EPHA5: variants seen among roughly 807,000 people sequenced by gnomAD.
EPHA5 encodes the protein EPH receptor A5.
In EPHA5, 60 loss-of-function variants were observed where a neutral mutation model predicts 105.0. That is an observed-to-expected ratio of 0.57 (90% CI 0.46 to 0.71). The LOEUF (loss-of-function observed/expected upper bound fraction) is 0.71, where lower values mean the gene tolerates loss of function less well. Among genes scored for constraint, EPHA5 ranks in the 30% least tolerant of loss-of-function variants. EPHA5 has a pLI of 0.00. For missense variants in EPHA5, 1,218 were observed against 1,274.7 expected (o/e 0.96, Z 0.68); for synonymous variants, 513 against 449.1 (o/e 1.14, Z -1.80).
At chr4:65,369,385 C>A (rs1577937715) in intron 8 of EPHA5, among the ~76,000 whole-genome samples, 2 of 152,002 alleles carry the variant, frequency 1.3e-5, no homozygotes, top group African/African-American at 4.8e-5. Flanking sequence ...ATTCAGTTTA[C>A]TAAAAACAAA....
intron 3 of EPHA5, among the ~76,000 whole-genome samples, chr4:65,575,325 T>C (rs192066038): frequency 5.1e-4 from 77 of 152,294 alleles, no homozygotes; most frequent in South Asian, 1.9e-3. Context: ...CCTTCTTCAC[T>C]TGATGTCCAA....
At chr4:65,329,808 AC>A (rs1297384721) in intron 16 of EPHA5, among the ~76,000 whole-genome samples, 14 of 112,380 alleles carry the variant, frequency 1.2e-4, no homozygotes, top group South Asian at 1.1e-3. Context: ...GCAATGACTG[AC>A]TTTTTTTTTT....
intron 5 of EPHA5, among the ~76,000 whole-genome samples, chr4:65,486,122 C>G (rs1560594284): frequency 6.6e-6 from 1 of 152,102 alleles, no homozygotes; most frequent in Non-Finnish European, 1.5e-5. Flanking sequence ...ACCTGGGAGA[C>G]TTTATTTTTA....
At chr4:65,341,321 G>A (rs1260939812) in intron 14 of EPHA5, among the ~76,000 whole-genome samples, 1 of 151,978 alleles carries the variant, frequency 6.6e-6, no homozygotes, top group African/African-American at 2.4e-5. Context: ...AGTGGGGGTG[G>A]CAGGATTCAC....
chr4:65,626,489 T>C (rs1290136914), intron 2 of EPHA5, among the ~76,000 whole-genome samples: 4 of 152,226 alleles, frequency 2.6e-5, no homozygotes, highest in African/African-American at 9.6e-5. Flanking sequence ...ATGAGAATTA[T>C]ACTGCTTCAC....
chr4:65,531,274 T>C (rs1347054318), intron 3 of EPHA5, among the ~76,000 whole-genome samples: 2 of 151,022 alleles, frequency 1.3e-5, no homozygotes, highest in Admixed American at 1.3e-4. Flanking sequence ...CCTGACCTCA[T>C]GATCCACCCG....
chr4:65,617,757 A>C (rs1745370977), intron 2 of EPHA5, among the ~76,000 whole-genome samples: 1 of 152,150 alleles, frequency 6.6e-6, no homozygotes, highest in Non-Finnish European at 1.5e-5. Context: ...GGAAGGTTTT[A>C]TAGTGAAGAG....
rs149585682 is a variant in EPHA5, at chr4:65,473,333, G to A, written c.1402+17044C>T. 7.6e-3 allele frequency among the ~76,000 whole-genome samples: 1,157 copies of A among 152,194 alleles called. 4 individuals are homozygous for A. The highest frequency in any genetic ancestry group is 0.017 in the Middle Eastern group (5 of 294). On this transcript the variant is annotated intron_variant, in intron 5 of 16. Coordinates refer to ENST00000613740, the MANE Select transcript of EPHA5 (RefSeq NM_001281766.3). ...TCAGGTATCCTTATAGAGGTACCCC[G>A]CTCTCTGAAGTACCAATTTCCTTTA...
chr4:65,427,982 G>A (rs1401171659), intron 5 of EPHA5, among the ~76,000 whole-genome samples: 2 of 152,006 alleles, frequency 1.3e-5, no homozygotes, highest in Admixed American at 6.6e-5. Context: ...TGCAGATATA[G>A]ATAAATCCAT....
intron 3 of EPHA5, among the ~76,000 whole-genome samples, chr4:65,526,600 T>C (rs1735254648): frequency 6.6e-6 from 1 of 152,090 alleles, no homozygotes; most frequent in African/African-American, 2.4e-5. Flanking sequence ...CAATTTCCTA[T>C]TTAGTAAATT....
Position 65,452,581 on chromosome 4 carries a change from CAAA to C in EPHA5, c.1403-32019_1403-32017del, listed in dbSNP as rs34579426. On this transcript the variant is annotated intron_variant, in intron 5 of 16. Transcript: ENST00000613740. ...AAATTAGCTAGCTCAGCTAAAATAC[CAAA>C]AAAAAAAAAAAGACAAACATCCTAT... is the stretch of plus-strand genomic sequence containing the variant. Among the ~76,000 whole-genome samples, 125 of 139,902 alleles carry C rather than the reference CAAA, an allele frequency of 8.9e-4. 3 individuals are homozygous for C. Among genetic ancestry groups the C allele is most frequent in the South Asian group, 2.7e-3 (12 of 4,410 alleles). 91.8% of individuals were successfully genotyped at this position (139,902 alleles called of 152,430 possible).
chr4:65,326,522 A>T lies in EPHA5; in HGVS notation c.2946-2303T>A, dbSNP rs993915125. ...AAATCTGACCATAGTAGTTTCTGTT[A>T]TGCACTAATATTCTCGTGTTTCCAC... On this transcript the variant is annotated intron_variant, in intron 16 of 16. Coordinates refer to ENST00000613740, the MANE Select transcript of EPHA5 (RefSeq NM_001281766.3). 4.0e-5 allele frequency among the ~76,000 whole-genome samples: 6 copies of T among 151,528 alleles called. No individual in the cohort carries two copies. In the South Asian group the frequency reaches 1.2e-3, roughly 31 times the overall value.
At chr4:65,531,731 G>A (rs1041539161) in intron 3 of EPHA5, among the ~76,000 whole-genome samples, 1 of 151,202 alleles carries the variant, frequency 6.6e-6, no homozygotes, top group African/African-American at 2.5e-5. Context: ...ATCATAAAGA[G>A]GATATACTGA....
intron 8 of EPHA5, among the ~76,000 whole-genome samples, chr4:65,376,831 T>A (rs10012882): frequency 6.6e-6 from 1 of 151,990 alleles, no homozygotes; most frequent in Admixed American, 6.6e-5. Context: ...GCCATATGTA[T>A]AATATTTATT....
At chr4:65,443,102 TAAA>T (rs994530336) in intron 5 of EPHA5, among the ~76,000 whole-genome samples, 8 of 152,178 alleles carry the variant, frequency 5.3e-5, no homozygotes, top group African/African-American at 1.7e-4. Flanking sequence ...AGAGCAAATC[TAAA>T]ATGTCAGGTA....
At chr4:65,594,196 ATCT>A (rs766806793) in intron 3 of EPHA5, among the ~76,000 whole-genome samples, 2 of 152,162 alleles carry the variant, frequency 1.3e-5, no homozygotes, top group Non-Finnish European at 2.9e-5. Flanking sequence ...TATAATTAAA[ATCT>A]TCTCCTGATA....
intron 8 of EPHA5, among the ~76,000 whole-genome samples, chr4:65,384,358 A>G (rs954124775): frequency 2.6e-5 from 4 of 151,986 alleles, no homozygotes; most frequent in Admixed American, 6.6e-5. Flanking sequence ...CTCACAATCT[A>G]TAGCAACTGG....
chr4:65,332,530 T>G (rs939224645), intron 15 of EPHA5, among the ~76,000 whole-genome samples: 2 of 144,658 alleles, frequency 1.4e-5, no homozygotes, highest in Non-Finnish European at 3.0e-5. Flanking sequence ...AACTCTAATG[T>G]AAACTATGGG....
At position 65,411,364 on chromosome 4, in the gene EPHA5, C is replaced by T. The variant is rs572881087; in HGVS notation, c.1687+2920G>A. On this transcript the variant is annotated intron_variant, in intron 7 of 16. Transcript: ENST00000613740. ...ATTTTAACTTTTTGTTGACAAATGA[C>T]GGAAATGTAATATAAATTAGTAAAA... is the stretch of plus-strand genomic sequence containing the variant. 1.8e-3 allele frequency among the ~76,000 whole-genome samples: 272 copies of T among 151,852 alleles called. 2 individuals are homozygous for T. Among genetic ancestry groups the T allele is most frequent in the African/African-American group, 5.9e-3 (245 of 41,448 alleles).
Sources: gnomAD v4.1 joint callset for allele counts (sites outside exome capture counted in the v4.1 genomes callset) on GRCh38, gnomAD v4.1.1 for gene constraint, MANE v1.5 for transcripts, NCBI Gene and HGNC (gene_info 2026-07-23, HGNC 2026-07-21) for gene names.